Variants in ATP13A3 observed in about 807,000 individuals in gnomAD.
The protein encoded by ATP13A3 is polyamine-transporting ATPase 13A3.
In ATP13A3, 59 loss-of-function variants were observed where a neutral mutation model predicts 158.1. The observed-to-expected ratio is 0.37, with a 90% confidence interval of 0.30 to 0.46. The LOEUF is 0.46. Among genes scored for constraint, ATP13A3 ranks in the 20% least tolerant of loss-of-function variants. ATP13A3 has a pLI of 1.00. For missense variants in ATP13A3, 1,166 were observed against 1,525.2 expected (o/e 0.76, Z 3.92); for synonymous variants, 491 against 504.3 (o/e 0.97, Z 0.35).
intron 33 of ATP13A3, among the ~76,000 whole-genome samples, chr3:194,410,750 A>C (rs1421170900): frequency 6.6e-6 from 1 of 152,150 alleles, no homozygotes; most frequent in Non-Finnish European, 1.5e-5. Context: ...CAAAACATGC[A>C]ATTTCTTGTT....
intron 33 of ATP13A3, among the ~76,000 whole-genome samples, chr3:194,411,192 T>C (rs1715403598): frequency 6.6e-6 from 1 of 152,134 alleles, no homozygotes; most frequent in Non-Finnish European, 1.5e-5. Flanking sequence ...ACATCAGGCC[T>C]GCTGGATGAC....
At chr3:194,446,673 G>T (rs1034714558) in intron 14 of ATP13A3, among the ~76,000 whole-genome samples, 1 of 152,088 alleles carries the variant, frequency 6.6e-6, no homozygotes, top group African/African-American at 2.4e-5. Context: ...AATCTCATTT[G>T]TATCAATTAG....
chr3:194,470,965 AATT>A (rs1720272108), intron 2 of ATP13A3, among the ~76,000 whole-genome samples: 1 of 152,208 alleles, frequency 6.6e-6, no homozygotes. Context: ...TACATCAATA[AATT>A]GGTGACAATG....
At chr3:194,482,391 C>A (rs1174144239) in intron 2 of ATP13A3, among the ~76,000 whole-genome samples, 2 of 152,182 alleles carry the variant, frequency 1.3e-5, no homozygotes, top group Admixed American at 1.3e-4. Flanking sequence ...CTGTGCATAA[C>A]CTACTAACAC....
chr3:194,448,870 A>C lies in ATP13A3; in HGVS notation c.971-234T>G, dbSNP rs1489094044. On this transcript the variant is annotated intron_variant, in intron 11 of 33. Coordinates refer to ENST00000645319, the MANE Select transcript of ATP13A3 (RefSeq NM_001367549.1). The surrounding 1 kb of genome is among the most constrained non-coding windows in gnomAD (Gnocchi z 4.0). ...TCTCCCACAATAATTCCAGAAAGTG[A>C]TTTGTGGCTCAAAGGTAATATTTGT... Among the ~76,000 whole-genome samples, 1 of 152,192 alleles carries C rather than the reference A, an allele frequency of 6.6e-6. No individual in the cohort carries two copies. Among genetic ancestry groups the C allele is most frequent in the African/African-American group, 2.4e-5 (1 of 41,442 alleles).
At position 194,447,927 on chromosome 3, in the gene ATP13A3, G is replaced by A; in HGVS notation, c.1233C>T (p.Tyr411=). 1 of 1,610,366 alleles carries A rather than the reference G, an allele frequency of 6.2e-7. No homozygotes were observed. The highest frequency in any genetic ancestry group is 8.5e-7 in the Non-Finnish European group (1 of 1,176,728). ...PTDFKLYRDA[Y]LFLLCLVAVA... ...CTGCCACAAGACATAGTAGAAACAA[G>A]TAGGCATCTCTGTAGAGTTTAAAAT... Residue 411 remains tyrosine, a synonymous_variant, in exon 13 of 34, where the codon TAC becomes TAT. Transcript: ENST00000645319.
intron 16 of ATP13A3, among the ~76,000 whole-genome samples, chr3:194,440,022 T>C (rs1288173162): frequency 6.6e-6 from 1 of 152,126 alleles, no homozygotes; most frequent in Admixed American, 6.6e-5. Flanking sequence ...GGAGCACTTA[T>C]CCAGTCACCT....
intron 2 of ATP13A3, among the ~76,000 whole-genome samples, chr3:194,469,219 A>C (rs954970130): frequency 1.4e-4 from 22 of 151,890 alleles, no homozygotes; most frequent in African/African-American, 5.1e-4. Context: ...GCACTTTGAG[A>C]GGCCAAGGCA....
At position 194,438,991 on chromosome 3, in the gene ATP13A3, C is replaced by CAA; in HGVS notation, c.1711-21_1711-20dup. ...CCAGAATCTGGAAAAAAAAAAGAGA[C>CAA]AAAAAAAAACAAAAACACAACATTC... On this transcript the variant is annotated intron_variant, in intron 16 of 33. Transcript: ENST00000645319. 1.2e-5 allele frequency: 17 copies of CAA among 1,363,962 alleles called. No individual in the cohort carries two copies. Among genetic ancestry groups the CAA allele is most frequent in the Non-Finnish European group, 1.4e-5 (14 of 999,108 alleles). The allele number at this position is 1,363,962 out of a possible 1,614,324, so 84.5% of individuals were successfully genotyped here.
upstream of ATP13A3, among the ~76,000 whole-genome samples, chr3:194,491,008 G>A (rs1450500365): frequency 1.3e-5 from 2 of 152,198 alleles, no homozygotes; most frequent in East Asian, 3.8e-4. Flanking sequence ...GCCAGACGTG[G>A]TGGCGTGCGC....
At chr3:194,453,634 T>G in intron 10 of ATP13A3, 72 bp downstream of exon 10, 1 of 1,156,706 alleles carries the variant, frequency 8.6e-7, no homozygotes, top group Non-Finnish European at 1.3e-6. Context: ...GTATTATACT[T>G]TGGGCTTACT....
intron 29 of ATP13A3, among the ~76,000 whole-genome samples, chr3:194,426,821 C>T (rs13099115): frequency 0.12 from 18,253 of 151,826 alleles, 1,129 homozygotes; most frequent in Middle Eastern, 0.14. Flanking sequence ...ACCACCATGC[C>T]CGGCTAATTT....
At chr3:194,441,519 T>C in intron 15 of ATP13A3, 58 bp from the exon 16 acceptor site, 1 of 1,460,624 alleles carries the variant, frequency 6.8e-7, no homozygotes. Flanking sequence ...GATAATATTC[T>C]AACAGGGCTT....
chr3:194,433,700 T>G, intron 21 of ATP13A3, 72 bp downstream of exon 21: 2 of 1,557,790 alleles, frequency 1.3e-6, no homozygotes, highest in Non-Finnish European at 1.8e-6. Flanking sequence ...TATAACTGAT[T>G]ATCCCTCAAT....
rs1718035804 is a variant in ATP13A3 at position 194,441,313 on chromosome 3, A to G, written c.1708T>C (p.Trp570Arg). ...LDLKMFEAIG[W>R]ILEEATEEET... The stretch of plus-strand genomic sequence containing the variant: ...GTATTTTAAAATATTTGACTTACCC[A>G]TCCAATAGCCTCAAACATTTTCAGA... The change falls in exon 16 of 34, where the codon TGG becomes CGG. Residue 570 changes from tryptophan (W) to arginine (R), a missense_variant and splice_region_variant. Transcript: ENST00000645319. 1 of 1,608,388 alleles carries G rather than the reference A, an allele frequency of 6.2e-7. No homozygotes were observed. The highest frequency in any genetic ancestry group is 8.5e-7 in the Non-Finnish European group (1 of 1,177,108).
At chr3:194,461,203 TAAAC>T (rs1719636539) in intron 3 of ATP13A3, among the ~76,000 whole-genome samples, 1 of 152,178 alleles carries the variant, frequency 6.6e-6, no homozygotes, top group Admixed American at 6.5e-5. Context: ...TTTTTTTAAA[TAAAC>T]ATTTTATTTT....
At chr3:194,428,279 T>C (rs533203848) in intron 28 of ATP13A3, among the ~76,000 whole-genome samples, 4 of 151,802 alleles carry the variant, frequency 2.6e-5, no homozygotes, top group African/African-American at 7.2e-5. Flanking sequence ...AACTAGCACC[T>C]TGTGAAAAGA....
intron 31 of ATP13A3, among the ~76,000 whole-genome samples, chr3:194,417,501 T>A (rs1715949050): frequency 6.7e-6 from 1 of 149,494 alleles, no homozygotes; most frequent in South Asian, 2.1e-4. Context: ...TGAACAACAA[T>A]GTGAGAGGGG....
intron 16 of ATP13A3, 144 bp from the exon 17 acceptor site, chr3:194,439,116 G>A: frequency 3.7e-6 from 2 of 541,324 alleles, no homozygotes; most frequent in Non-Finnish European, 6.4e-6. Flanking sequence ...AGGAACAAAT[G>A]AGCACTACTG....
Sources: allele counts gnomAD v4.1 joint callset (sites outside exome capture counted in the v4.1 genomes callset), GRCh38; gene constraint gnomAD v4.1.1; non-coding constraint Gnocchi (gnomAD v3.1); transcripts MANE v1.5; gene names NCBI Gene and HGNC (gene_info 2026-07-23, HGNC 2026-07-21).